PDE1C: variants seen among roughly 807,000 people sequenced by gnomAD.
PDE1C encodes phosphodiesterase 1C, also known as dual specificity calcium/calmodulin-dependent 3',5'-cyclic nucleotide phosphodiesterase 1C.
Under a neutral mutation model 93.1 loss-of-function variants are expected in PDE1C, and 62 were observed. The observed-to-expected ratio is 0.67, with a 90% CI of 0.54 to 0.82. PDE1C has a LOEUF of 0.82. Among genes scored for constraint, PDE1C ranks in the 40% least tolerant of loss-of-function variants. The pLI is 0.00. For synonymous variants in PDE1C, 325 were observed against 310.1 expected (o/e 1.05, Z -0.50); for missense variants, 742 against 884.6 (o/e 0.84, Z 2.04).
chr7:31,837,287 T>C lies in PDE1C; in HGVS notation c.1096A>G (p.Lys366Glu), dbSNP rs772784591. Reference protein sequence around the residue: ...LQQPEAIEKPKALSLMLHTAD... With the variant: ...LQQPEAIEKPEALSLMLHTAD... The stretch of plus-strand genomic sequence containing the variant: ...GTATGCAGCATAAGGGATAAGGCTT[T>C]TGGCTTTTCAATGCTGTAAACCAAA... The change falls in exon 11 of 18, where the codon AAA (lysine) becomes GAA (glutamate). Residue 366 changes from lysine to glutamate, a missense_variant. Physicochemically the swap from Lys to Glu is moderately conservative, Grantham distance 56. Transcript: ENST00000396191. The C allele has an allele frequency of 9.3e-6, 15 of 1,609,866 alleles. No homozygotes were observed. In the Admixed American group the frequency reaches 2.3e-4, roughly 25 times the overall value.
intron 2 of PDE1C, among the ~76,000 whole-genome samples, chr7:31,970,453 A>G (rs1427358691): frequency 6.6e-6 from 1 of 152,234 alleles, no homozygotes; most frequent in Non-Finnish European, 1.5e-5. Flanking sequence ...TTTCAATAGC[A>G]TGTGTTTCTA....
At chr7:32,361,050 G>A (rs111494833) in intron 1 of PDE1C, among the ~76,000 whole-genome samples, 1 of 152,152 alleles carries the variant, frequency 6.6e-6, no homozygotes, top group Admixed American at 6.5e-5. Context: ...GATGGGGAGC[G>A]AAAAGAAGGG....
the PDE1C span, among the ~76,000 whole-genome samples, chr7:31,669,098 G>A: frequency 6.6e-6 from 1 of 152,160 alleles, no homozygotes; most frequent in East Asian, 1.9e-4. Context: ...GAGTTTGTAA[G>A]ATAGTGACAT....
chr7:31,628,897 A>G, the PDE1C span, among the ~76,000 whole-genome samples: 3 of 152,228 alleles, frequency 2.0e-5, no homozygotes, highest in Non-Finnish European at 4.4e-5. Flanking sequence ...CAGTGGACTC[A>G]ACAAGGACAA....
At chr7:32,333,451 T>C (rs972319730) in intron 1 of PDE1C, among the ~76,000 whole-genome samples, 1 of 152,200 alleles carries the variant, frequency 6.6e-6, no homozygotes, top group Admixed American at 6.5e-5. Flanking sequence ...GTGATTCCCA[T>C]AATCATCCAC....
At chr7:31,678,015 A>C in the PDE1C span, among the ~76,000 whole-genome samples, 2 of 152,146 alleles carry the variant, frequency 1.3e-5, no homozygotes, top group Non-Finnish European at 2.9e-5. Flanking sequence ...ATACAATAAA[A>C]GGCCCCACCT....
intron 2 of PDE1C, among the ~76,000 whole-genome samples, chr7:32,012,759 T>C (rs1240534942): frequency 6.6e-6 from 1 of 152,210 alleles, no homozygotes; most frequent in African/African-American, 2.4e-5. Context: ...TTATTGTATA[T>C]GTAATCAATA....
chr7:31,906,533 T>C (rs898879328), intron 2 of PDE1C, among the ~76,000 whole-genome samples: 1 of 152,222 alleles, frequency 6.6e-6, no homozygotes, highest in African/African-American at 2.4e-5. Flanking sequence ...CCCATGCTTT[T>C]GGCCACGTGT....
At chr7:32,394,203 T>C (rs908410042) in intron 1 of PDE1C, among the ~76,000 whole-genome samples, 2 of 152,212 alleles carry the variant, frequency 1.3e-5, no homozygotes, top group Admixed American at 1.3e-4. Flanking sequence ...TCTGATTAAA[T>C]GTTTCTTCAA....
intron 11 of PDE1C, 97 bp downstream of exon 11, chr7:31,837,083 T>C: frequency 8.0e-7 from 1 of 1,246,440 alleles, no homozygotes; most frequent in Non-Finnish European, 1.1e-6. Context: ...CCAAAATTAC[T>C]GTAATCTCAA....
chr7:31,852,505 C>A (rs949783442), intron 7 of PDE1C, among the ~76,000 whole-genome samples: 2 of 152,176 alleles, frequency 1.3e-5, no homozygotes, highest in African/African-American at 4.8e-5. Context: ...GCCTCCTCAT[C>A]AGCCTCTTCA....
intron 3 of PDE1C, among the ~76,000 whole-genome samples, chr7:32,168,269 A>G (rs1309574051): frequency 2.6e-5 from 4 of 152,242 alleles, no homozygotes. Context: ...AGACACTGCT[A>G]CACGTTACAA....
rs1016079910 is a variant in PDE1C, at chr7:32,171,497, CTTA to C, written c.137-1544_137-1542del. Among the ~76,000 whole-genome samples, 50 of 147,950 alleles carry C rather than the reference CTTA, an allele frequency of 3.4e-4. 1 individual carries two copies. In the South Asian group the frequency reaches 4.5e-3, roughly 13 times the overall value. On this transcript the variant is annotated intron_variant, in intron 2 of 18. Coordinates refer to the PDE1C transcript ENST00000396193. ...CTATTTACTTAATATTATTATTTTA[CTTA>C]TTATTATTAAAATTAAATTATTAAA...
intron 1 of PDE1C, among the ~76,000 whole-genome samples, chr7:32,259,527 C>T (rs1810043076): frequency 6.6e-6 from 1 of 152,140 alleles, no homozygotes; most frequent in Non-Finnish European, 1.5e-5. Flanking sequence ...TTTAGAGCCT[C>T]TGTGGCTTCA....
In PDE1C at chr7:32,338,899, A is replaced by C. The variant is rs995906351; in HGVS notation, c.310+88923T>G. Among the ~76,000 whole-genome samples, 8 of 152,038 alleles carry C rather than the reference A, an allele frequency of 5.3e-5. No homozygotes were observed. The East Asian group carries it at 1.6e-3, about 30-fold the overall frequency. On this transcript the variant is annotated intron_variant, in intron 1 of 1. Coordinates refer to the PDE1C transcript ENST00000672256. ...GCGCCTGTAGTCCCAGCTACTCGGG[A>C]GGCTGAGGCAGGAGAATGGCATGAA...
intron 3 of PDE1C, among the ~76,000 whole-genome samples, chr7:32,118,069 G>A (rs1799083240): frequency 6.6e-6 from 1 of 152,190 alleles, no homozygotes; most frequent in African/African-American, 2.4e-5. Context: ...TTTCCCTAAG[G>A]GTTGGATTCC....
At chr7:31,702,161 G>C in the PDE1C span, among the ~76,000 whole-genome samples, 4 of 151,232 alleles carry the variant, frequency 2.6e-5, no homozygotes, top group African/African-American at 9.7e-5. Context: ...GGGAAATTCT[G>C]CCTTAGAATT....
intron 2 of PDE1C, among the ~76,000 whole-genome samples, chr7:31,964,652 T>A (rs1458237299): frequency 6.6e-6 from 1 of 152,228 alleles, no homozygotes; most frequent in Non-Finnish European, 1.5e-5. Flanking sequence ...ACGGGCAGAC[T>A]GCCTCCTCAA....
At chr7:31,789,598 A>G (rs11975446) in intron 16 of PDE1C, 46,537 of 867,262 alleles carry the variant, frequency 0.054, 1,538 homozygotes, top group Middle Eastern at 0.13. Context: ...AAAGATTCCT[A>G]TAGAATAATC....
Sources: gnomAD v4.1 joint callset for allele counts (sites outside exome capture counted in the v4.1 genomes callset) on GRCh38, gnomAD v4.1.1 for gene constraint, MANE v1.5 for transcripts, NCBI Gene and HGNC (gene_info 2026-07-23, HGNC 2026-07-21) for gene names.